The following CSGALNACT1 variants were observed in gnomAD, a reference collection of about 807,000 sequenced individuals.
CSGALNACT1 encodes the protein beta4GalNAcT-1.
A neutral mutation model predicts 51.0 loss-of-function variants in CSGALNACT1; 52 were observed. That is an observed-to-expected ratio of 1.02 (90% CI 0.82 to 1.29). The LOEUF (loss-of-function observed/expected upper bound fraction) is 1.29, where lower values mean the gene tolerates loss of function less well. Ranked by LOEUF, CSGALNACT1 falls within the 50% of genes most tolerant of loss-of-function variation. The probability of loss-of-function intolerance (pLI) is 0.00; values close to 1 mark genes in which losing one functional copy is unlikely to be tolerated. For missense variants in CSGALNACT1, 935 were observed against 679.2 expected, an observed-to-expected ratio of 1.38 and a Z score of -4.19; for synonymous variants, 341 against 254.4, an observed-to-expected ratio of 1.34 and a Z score of -3.24.
intron 1 of CSGALNACT1, among the ~76,000 whole-genome samples, chr8:19,679,232 C>T (rs1409447748): frequency 1.3e-5 from 2 of 152,202 alleles, no homozygotes; most frequent in Non-Finnish European, 2.9e-5. Context: ...TAACGTGGAT[C>T]GCTTGAGCTC....
chr8:19,691,148 G>C (rs1174902290), intron 1 of CSGALNACT1, among the ~76,000 whole-genome samples: 2 of 152,174 alleles, frequency 1.3e-5, no homozygotes, highest in African/African-American at 4.8e-5. Flanking sequence ...AAAATGAAAT[G>C]TCAGCCAAGG....
At chr8:19,659,467 G>A (rs2058579440) in intron 1 of CSGALNACT1, among the ~76,000 whole-genome samples, 1 of 152,066 alleles carries the variant, frequency 6.6e-6, no homozygotes, top group East Asian at 1.9e-4. Context: ...GTGACAAACT[G>A]TGTGTGTTTC....
intron 1 of CSGALNACT1, among the ~76,000 whole-genome samples, chr8:19,643,449 C>T (rs1287408078): frequency 6.6e-6 from 1 of 151,986 alleles, no homozygotes; most frequent in Non-Finnish European, 1.5e-5. Context: ...CTAGCCTGGC[C>T]AACATGGTGA....
chr8:19,632,915 C>G (rs2055487282), intron 1 of CSGALNACT1, among the ~76,000 whole-genome samples: 1 of 145,622 alleles, frequency 6.9e-6, no homozygotes, highest in African/African-American at 2.5e-5. Flanking sequence ...CCACCACACC[C>G]AGCTAATTTT....
chr8:19,756,837 A>T (rs758609805), intron 1 of CSGALNACT1, among the ~76,000 whole-genome samples: 2 of 152,062 alleles, frequency 1.3e-5, no homozygotes, highest in Non-Finnish European at 2.9e-5. Flanking sequence ...GCAATCAGAC[A>T]GCGGAAGGCC....
At chr8:19,571,821 AC>A (rs2043109732) in intron 3 of CSGALNACT1, among the ~76,000 whole-genome samples, 1 of 152,218 alleles carries the variant, frequency 6.6e-6, no homozygotes. Flanking sequence ...TTGCTATCAG[AC>A]AAGGGCTGCC....
intron 1 of CSGALNACT1, among the ~76,000 whole-genome samples, chr8:19,743,342 T>C (rs892274936): frequency 5.3e-5 from 8 of 152,194 alleles, no homozygotes; most frequent in Non-Finnish European, 1.0e-4. Flanking sequence ...CCAGATTACA[T>C]GTGTATGTGT....
intron 3 of CSGALNACT1, among the ~76,000 whole-genome samples, chr8:19,586,391 G>A (rs373079566): frequency 5.7e-5 from 8 of 141,384 alleles, no homozygotes; most frequent in African/African-American, 1.1e-4. Context: ...GTGGAGACAC[G>A]CACCGTAGTC....
chr8:19,680,569 C>A (rs1160802892), intron 1 of CSGALNACT1, among the ~76,000 whole-genome samples: 9 of 87,050 alleles, frequency 1.0e-4, no homozygotes, highest in African/African-American at 3.7e-4. Context: ...GCCCCACCCC[C>A]CCCCCCCCCC....
intron 2 of CSGALNACT1, among the ~76,000 whole-genome samples, chr8:19,593,385 T>C (rs1303322532): frequency 6.6e-6 from 1 of 152,216 alleles, no homozygotes; most frequent in Non-Finnish European, 1.5e-5. Context: ...GAAGTCTGCA[T>C]CATTTTGTGG....
upstream of CSGALNACT1, chr8:19,683,082 C>T (rs2060747748): frequency 4.2e-6 from 1 of 235,418 alleles, no homozygotes; most frequent in Middle Eastern, 1.7e-3. Flanking sequence ...AGATAGGCAA[C>T]TGTGTGCGAT....
At chr8:19,409,999 A>G (rs1422000901) in intron 8 of CSGALNACT1, among the ~76,000 whole-genome samples, 2 of 152,194 alleles carry the variant, frequency 1.3e-5, no homozygotes, top group African/African-American at 4.8e-5. Flanking sequence ...TATTTGATAA[A>G]TGGCTTGCAG....
chr8:19,571,476 A>T (rs546511333), intron 3 of CSGALNACT1, among the ~76,000 whole-genome samples: 1 of 151,714 alleles, frequency 6.6e-6, no homozygotes, highest in South Asian at 2.1e-4. Context: ...ACAAAAACAA[A>T]AAAAAAAAAC....
chr8:19,664,628 C>T (rs1195474368), intron 1 of CSGALNACT1, among the ~76,000 whole-genome samples: 1 of 143,076 alleles, frequency 7.0e-6, no homozygotes, highest in Non-Finnish European at 1.6e-5. Context: ...GATGTATGTA[C>T]ACACACACAA....
chr8:19,698,663 G>A (rs1034382551), intron 1 of CSGALNACT1, among the ~76,000 whole-genome samples: 44 of 152,050 alleles, frequency 2.9e-4, no homozygotes, highest in Admixed American at 2.7e-3. Flanking sequence ...TTTAAGATCA[G>A]AAAATAACAA....
At chr8:19,726,083 G>A (rs2063383900) in intron 1 of CSGALNACT1, among the ~76,000 whole-genome samples, 1 of 151,970 alleles carries the variant, frequency 6.6e-6, no homozygotes, top group African/African-American at 2.4e-5. Flanking sequence ...TATTACCTAG[G>A]GAAAGTCATG....
chr8:19,557,556 G>A (rs545060270), intron 3 of CSGALNACT1, among the ~76,000 whole-genome samples: 69 of 152,208 alleles, frequency 4.5e-4, no homozygotes, highest in African/African-American at 1.6e-3. Flanking sequence ...TTGTTTTGGG[G>A]ACACACCAGC....
chr8:19,567,639 C>T (rs1441388995), intron 3 of CSGALNACT1, among the ~76,000 whole-genome samples: 1 of 151,754 alleles, frequency 6.6e-6, no homozygotes, highest in Non-Finnish European at 1.5e-5. Flanking sequence ...TGCAATAAGG[C>T]AAGGAAAATA....
chr8:19,663,058 T>C (rs932998708), intron 1 of CSGALNACT1, among the ~76,000 whole-genome samples: 7 of 152,208 alleles, frequency 4.6e-5, no homozygotes, highest in Non-Finnish European at 1.0e-4. Flanking sequence ...CAGGATGCTC[T>C]CTATCAATCT....
Sources: allele counts gnomAD v4.1 joint callset (sites outside exome capture counted in the v4.1 genomes callset), GRCh38; gene constraint gnomAD v4.1.1; transcripts MANE v1.5; gene names NCBI Gene and HGNC (gene_info 2026-07-23, HGNC 2026-07-21).